The following METTL25 variants were observed in gnomAD, a reference collection of about 807,000 sequenced individuals.
The protein encoded by METTL25 is probable methyltransferase-like protein 25.
A neutral mutation model predicts 71.6 loss-of-function variants in METTL25; 64 were observed. That is an observed-to-expected ratio of 0.89 (90% CI 0.73 to 1.10). The LOEUF (loss-of-function observed/expected upper bound fraction) is 1.10, where lower values mean the gene tolerates loss of function less well. Among genes scored for constraint, METTL25 ranks in the 50% least tolerant of loss-of-function variants. The probability of loss-of-function intolerance (pLI) is 0.00; values close to 1 mark genes in which losing one functional copy is unlikely to be tolerated. For missense variants in METTL25, 807 were observed against 707.0 expected (o/e 1.14, Z -1.60); for synonymous variants, 287 against 250.3 (o/e 1.15, Z -1.38).
Position 82,403,073 on chromosome 12 carries a change from T to A in METTL25, c.1222T>A (p.Cys408Ser). The change falls in exon 5 of 12, where the codon TGC becomes AGC. Residue 408 changes from cysteine (C) to serine (S), a missense_variant. Physicochemically the swap from Cys to Ser is moderately radical, Grantham distance 112. Coordinates refer to ENST00000248306, the MANE Select transcript of METTL25 (RefSeq NM_032230.3). ...CTCCAACTCTGAAATCAAGGGAGTT[T>A]GCAGTGTGGGTTGTTGCTACCACCT... Reference protein sequence around the residue: ...FTSNSEIKGVCSVGCCYHLLS... With the variant: ...FTSNSEIKGVSSVGCCYHLLS... 1 of 1,613,530 alleles carries A rather than the reference T, an allele frequency of 6.2e-7. No individual in the cohort carries two copies. The highest frequency in any genetic ancestry group is 8.5e-7 in the Non-Finnish European group (1 of 1,179,652).
intron 1 of METTL25, among the ~76,000 whole-genome samples, chr12:82,361,193 TCTC>T (rs1466294669): frequency 1.3e-5 from 2 of 152,158 alleles, no homozygotes; most frequent in Non-Finnish European, 2.9e-5. Context: ...ACATGAAAGT[TCTC>T]CTAGTCCCCA....
At chr12:82,410,155 TA>T (rs1887441867) in intron 5 of METTL25, among the ~76,000 whole-genome samples, 1 of 151,842 alleles carries the variant, frequency 6.6e-6, no homozygotes, top group Non-Finnish European at 1.5e-5. Flanking sequence ...TAAGCTTACT[TA>T]AACAAATATT....
chr12:82,438,849 T>G (rs966215540), intron 8 of METTL25, 58 bp downstream of exon 8: 2 of 1,415,026 alleles, frequency 1.4e-6, no homozygotes, highest in South Asian at 1.5e-5. Flanking sequence ...AAAGTGACTT[T>G]TAGTCTTCAG....
At chr12:82,397,209 T>A (rs1195349619) in intron 3 of METTL25, among the ~76,000 whole-genome samples, 1 of 152,126 alleles carries the variant, frequency 6.6e-6, no homozygotes, top group Non-Finnish European at 1.5e-5. Flanking sequence ...TCTGCGTACA[T>A]CTCACTGTGG....
At chr12:82,472,589 C>T (rs542773816) in intron 9 of METTL25, among the ~76,000 whole-genome samples, 2 of 152,194 alleles carry the variant, frequency 1.3e-5, no homozygotes, top group South Asian at 4.2e-4. Flanking sequence ...TAGAGTGAGA[C>T]TCCGTCTCGA....
chr12:82,435,259 G>A (rs1592719216), intron 7 of METTL25, among the ~76,000 whole-genome samples: 3 of 151,320 alleles, frequency 2.0e-5, no homozygotes, highest in East Asian at 3.9e-4. Flanking sequence ...ATTTTTTTAA[G>A]AGTTTTTGGA....
At chr12:82,394,992 G>A (rs1403046631) in intron 3 of METTL25, among the ~76,000 whole-genome samples, 2 of 151,828 alleles carry the variant, frequency 1.3e-5, no homozygotes, top group African/African-American at 4.8e-5. Flanking sequence ...TAGGAGCTGA[G>A]GTTGTGGTGG....
intron 9 of METTL25, among the ~76,000 whole-genome samples, chr12:82,472,892 T>C (rs1298270616): frequency 2.0e-5 from 3 of 152,194 alleles, no homozygotes; most frequent in Non-Finnish European, 2.9e-5. Flanking sequence ...TTTTTCATGT[T>C]TGATGTGTCC....
chr12:82,396,560 CT>C (rs768381215), intron 3 of METTL25, among the ~76,000 whole-genome samples: 5 of 151,968 alleles, frequency 3.3e-5, no homozygotes, highest in Non-Finnish European at 7.4e-5. Context: ...TTCCATAGTT[CT>C]CCATTTATTT....
At chr12:82,439,607 C>T (rs1421202079) in intron 8 of METTL25, among the ~76,000 whole-genome samples, 2 of 151,790 alleles carry the variant, frequency 1.3e-5, no homozygotes, top group Non-Finnish European at 2.9e-5. Flanking sequence ...TTACTACATA[C>T]AAGTACCTAC....
Position 82,476,686 on chromosome 12 carries a change from C to A in METTL25, c.1615C>A (p.Pro539Thr). 1 of 1,598,902 alleles carries A rather than the reference C, an allele frequency of 6.3e-7. No homozygotes were observed. The highest frequency in any genetic ancestry group is 1.7e-5 in the Admixed American group (1 of 57,652). Residue 539 changes from proline to threonine, a missense_variant, in exon 10 of 12, where the codon CCT becomes ACT. Coordinates refer to ENST00000248306, the MANE Select transcript of METTL25 (RefSeq NM_032230.3). ...AATGAACTACTACGAGAAGTATAAG[C>A]CTCGAATGAATGAGCTGGAAGCTTT... is the stretch of plus-strand genomic sequence containing the variant. ...IIMNYYEKYK[P>T]RMNELEAFNM...
intron 5 of METTL25, among the ~76,000 whole-genome samples, chr12:82,429,949 T>C (rs2137143017): frequency 6.6e-6 from 1 of 151,696 alleles, no homozygotes; most frequent in African/African-American, 2.4e-5. Context: ...ATTGTAAAAG[T>C]TAAACTTGTT....
At position 82,386,803 on chromosome 12, in the gene METTL25, G is replaced by T. The variant is rs757420742; in HGVS notation, c.260G>T (p.Gly87Val). 6.2e-7 allele frequency: 1 copy of T among 1,611,336 alleles called. No individual in the cohort carries two copies. Among genetic ancestry groups the T allele is most frequent in the Middle Eastern group, 1.7e-4 (1 of 6,030 alleles). The change falls in exon 2 of 12, where the codon GGT (glycine) becomes GTT (valine). Residue 87 changes from glycine (G) to valine (V), a missense_variant and splice_region_variant. Coordinates refer to ENST00000248306, the MANE Select transcript of METTL25 (RefSeq NM_032230.3). ...ACTTTTTCTGTCTTCACTTTTTTAG[G>T]TATGACTGATTTTCCCAAAATATTT... ...RPLVEAEWEA[G>V]MTDFPKIFCE...
At chr12:82,431,689 C>T (rs561662302) in intron 6 of METTL25, among the ~76,000 whole-genome samples, 2 of 151,612 alleles carry the variant, frequency 1.3e-5, no homozygotes, top group African/African-American at 4.8e-5. Flanking sequence ...AATCATTTCA[C>T]TAGATATAGA....
At chr12:82,389,478 A>T (rs1325120607) in intron 2 of METTL25, among the ~76,000 whole-genome samples, 1 of 151,976 alleles carries the variant, frequency 6.6e-6, no homozygotes, top group Admixed American at 6.6e-5. Flanking sequence ...TTCTCTGTAG[A>T]TATATGTGTT....
At chr12:82,435,073 A>G (rs927548376) in intron 7 of METTL25, among the ~76,000 whole-genome samples, 3 of 151,532 alleles carry the variant, frequency 2.0e-5, no homozygotes, top group African/African-American at 4.8e-5. Flanking sequence ...TATTTTAACT[A>G]TAGTCCAAAA....
chr12:82,399,754 A>C (rs142062444), intron 4 of METTL25, among the ~76,000 whole-genome samples: 5 of 152,192 alleles, frequency 3.3e-5, no homozygotes, highest in Non-Finnish European at 7.4e-5. Context: ...GTAATGTTCA[A>C]TGTTACACTT....
At chr12:82,370,804 C>T (rs958863783) in intron 1 of METTL25, among the ~76,000 whole-genome samples, 32 of 152,030 alleles carry the variant, frequency 2.1e-4, no homozygotes, top group Non-Finnish European at 4.6e-4. Context: ...GACTTTCTGT[C>T]TCTTTCTCTC....
At chr12:82,421,860 C>A (rs1234386938) in intron 5 of METTL25, among the ~76,000 whole-genome samples, 1 of 152,148 alleles carries the variant, frequency 6.6e-6, no homozygotes, top group East Asian at 1.9e-4. Flanking sequence ...GAAGTTGAAT[C>A]TCTTAATAGA....
Sources: gnomAD v4.1 joint callset for allele counts (sites outside exome capture counted in the v4.1 genomes callset) on GRCh38, gnomAD v4.1.1 for gene constraint, MANE v1.5 for transcripts, NCBI Gene and HGNC (gene_info 2026-07-23, HGNC 2026-07-21) for gene names.